TNC: variants seen among roughly 807,000 people sequenced by gnomAD.
TNC encodes tenascin.
A neutral mutation model predicts 202.4 loss-of-function variants in TNC; 109 were observed. That is an observed-to-expected ratio of 0.54 (90% CI 0.46 to 0.63). The LOEUF is 0.63. TNC is among the 30% of genes least tolerant of loss of function. The pLI is 0.00. For missense variants in TNC, 2,756 were observed against 2,833.3 expected (o/e 0.97, Z 0.62); for synonymous variants, 1,007 against 1,089.7 (o/e 0.92, Z 1.50).
chr9:115,111,385 TTCTC>T (rs766678704), intron 1 of TNC, among the ~76,000 whole-genome samples: 2 of 135,852 alleles, frequency 1.5e-5, no homozygotes, highest in South Asian at 2.5e-4. Context: ...CTTATAGACT[TTCTC>T]TCTCTCTCTC....
chr9:115,040,922 C>CACAA lies in TNC; in HGVS notation c.5392+15_5392+18dup, dbSNP rs2131948081. 1 of 1,606,284 alleles carries CACAA rather than the reference C, an allele frequency of 6.2e-7. No individual in the cohort carries two copies. Among genetic ancestry groups the CACAA allele is most frequent in the Non-Finnish European group, 8.5e-7 (1 of 1,175,992 alleles). ...AAAAATAGTAACACACACACACACA[C>CACAA]ACAACCCCACCAACTCACCTGTGGT... On this transcript the variant is annotated intron_variant, in intron 19 of 27. Transcript: ENST00000350763.
chr9:115,082,506 T>C (rs781219084), intron 5 of TNC, among the ~76,000 whole-genome samples, 186 bp downstream of exon 5: 24 of 152,354 alleles, frequency 1.6e-4, no homozygotes, highest in Non-Finnish European at 3.4e-4. Context: ...GTGCTACACT[T>C]ACTTATTAAA....
chr9:115,056,998 G>A (rs538737180), intron 15 of TNC, among the ~76,000 whole-genome samples, 155 bp downstream of exon 15: 11 of 152,300 alleles, frequency 7.2e-5, no homozygotes, highest in Middle Eastern at 3.4e-3. Context: ...GGCTGCTGTT[G>A]GAAAAGAGTT....
intron 22 of TNC, among the ~76,000 whole-genome samples, chr9:115,034,692 A>G (rs962523208): frequency 6.6e-6 from 1 of 152,218 alleles, no homozygotes; most frequent in African/African-American, 2.4e-5. Context: ...AGTTTAGGAA[A>G]TCTCCTTCGC....
In TNC at chr9:115,046,699, T is replaced by C. The variant is rs1331831047; in HGVS notation, c.4853-17A>G. On this transcript the variant is annotated splice_polypyrimidine_tract_variant and intron_variant, in intron 16 of 27. Coordinates refer to ENST00000350763, the MANE Select transcript of TNC (RefSeq NM_002160.4). ...GTTCGGCTTCTAGAGGGAGAGAAAA[T>C]GGTGGGAGAAGGAGGAAAGACAACA... 1 of 1,610,182 alleles carries C rather than the reference T, an allele frequency of 6.2e-7. No homozygotes were observed. The highest frequency in any genetic ancestry group is 1.3e-5 in the African/African-American group (1 of 74,556).
Position 115,038,378 on chromosome 9 carries a change from G to A in TNC, c.5395C>T (p.Leu1799=). The A allele has an allele frequency of 6.2e-7, 1 of 1,613,878 alleles. No homozygotes were observed. Among genetic ancestry groups the A allele is most frequent in the East Asian group, 2.2e-5 (1 of 44,860 alleles). The change falls in exon 20 of 28, where the codon CTG becomes TTG. Residue 1799 remains leucine, a splice_region_variant and synonymous_variant. Coordinates refer to ENST00000350763, the MANE Select transcript of TNC (RefSeq NM_002160.4). ...GTCACCAGGCCAGATGGGCCATCCA[G>A]AGCTGCAAAGAAAGATGGTGGACAG... is the stretch of plus-strand genomic sequence containing the variant. The part of the protein sequence containing the change: ...EPVSGSFTTA[L]DGPSGLVTAN...
intron 1 of TNC, among the ~76,000 whole-genome samples, chr9:115,104,018 A>G (rs1836428480): frequency 6.6e-6 from 1 of 152,208 alleles, no homozygotes; most frequent in Non-Finnish European, 1.5e-5. Context: ...TCTGGTTTCA[A>G]TTTTTGAAAT....
chr9:115,026,805 G>T, intron 25 of TNC, 110 bp from the exon 26 acceptor site: 2 of 838,886 alleles, frequency 2.4e-6, no homozygotes, highest in Non-Finnish European at 3.3e-6. Context: ...GGCCAACTGG[G>T]CCCAGTGGCT....
At chr9:115,111,399 C>CTTTTTTTTT (rs71375272) in intron 1 of TNC, among the ~76,000 whole-genome samples, 6 of 71,342 alleles carry the variant, frequency 8.4e-5, no homozygotes, top group African/African-American at 3.6e-4. Context: ...CTCTCTCTCT[C>CTTTTTTTTT]TTTTTTTTTT....
chr9:115,064,168 A>C, intron 11 of TNC, 100 bp from the exon 12 acceptor site: 1 of 1,279,860 alleles, frequency 7.8e-7, no homozygotes, highest in East Asian at 2.4e-5. Flanking sequence ...TTACTGAAAA[A>C]ATGTGACTTT....
chr9:115,038,237 G>A (rs2131869705), intron 20 of TNC, 24 bp downstream of exon 20: 1 of 1,611,324 alleles, frequency 6.2e-7, no homozygotes, highest in East Asian at 2.2e-5. Flanking sequence ...CTTAGAGTGA[G>A]GAGAGACTTG....
At chr9:115,041,678 C>T (rs576952366) in intron 18 of TNC, among the ~76,000 whole-genome samples, 8 of 152,300 alleles carry the variant, frequency 5.3e-5, no homozygotes, top group African/African-American at 1.9e-4. Flanking sequence ...ACCATCCTCT[C>T]TTTATACACT....
chr9:115,049,004 G>A (rs1454615433), intron 15 of TNC, among the ~76,000 whole-genome samples: 2 of 151,236 alleles, frequency 1.3e-5, no homozygotes, highest in Non-Finnish European at 2.9e-5. Flanking sequence ...CTAGTGCACA[G>A]TTTGAATCAA....
chr9:115,031,057 G>A (rs968600600), intron 23 of TNC, among the ~76,000 whole-genome samples: 5 of 152,186 alleles, frequency 3.3e-5, no homozygotes, highest in Non-Finnish European at 5.9e-5. Context: ...AGCTTGGTGG[G>A]AAGATCATTT....
At chr9:115,042,926 C>G (rs1443843896) in intron 17 of TNC, among the ~76,000 whole-genome samples, 3 of 152,138 alleles carry the variant, frequency 2.0e-5, no homozygotes, top group African/African-American at 7.2e-5. Context: ...CAAACACTGA[C>G]CTGGGCAAAC....
chr9:115,050,179 A>G (rs547961257), intron 15 of TNC, among the ~76,000 whole-genome samples: 2 of 152,310 alleles, frequency 1.3e-5, no homozygotes, highest in East Asian at 1.9e-4. Context: ...GTGAATTCCA[A>G]TGAAAGTGAG....
intron 22 of TNC, among the ~76,000 whole-genome samples, chr9:115,032,350 G>A (rs1184219066): frequency 6.6e-6 from 1 of 152,158 alleles, no homozygotes; most frequent in Middle Eastern, 3.2e-3. Flanking sequence ...AGGTATAAAT[G>A]CTAAGCTTTG....
intron 25 of TNC, among the ~76,000 whole-genome samples, chr9:115,027,137 A>G (rs1168530308): frequency 6.7e-6 from 1 of 149,304 alleles, no homozygotes; most frequent in South Asian, 2.1e-4. Context: ...AAAAAGGGCC[A>G]TATCACACAG....
intron 1 of TNC, among the ~76,000 whole-genome samples, chr9:115,093,129 A>T (rs1369644227): frequency 3.3e-5 from 5 of 152,144 alleles, no homozygotes; most frequent in Admixed American, 2.6e-4. Flanking sequence ...AAACTTAGAG[A>T]GGAATTGTGG....
Sources: allele counts gnomAD v4.1 joint callset (sites outside exome capture counted in the v4.1 genomes callset), GRCh38; gene constraint gnomAD v4.1.1; transcripts MANE v1.5; gene names NCBI Gene and HGNC (gene_info 2026-07-23, HGNC 2026-07-21).